Variants in TRDMT1 observed in about 807,000 individuals in gnomAD.
TRDMT1 encodes the protein tRNA aspartic acid methyltransferase 1.
TRDMT1 carries 49 observed loss-of-function variants against 51.2 expected under a neutral mutation model. The observed-to-expected ratio is 0.96, with a 90% CI of 0.76 to 1.21. The LOEUF is 1.21. TRDMT1 is among the 50% of genes most tolerant of loss of function. The probability of loss-of-function intolerance (pLI) is 0.00; values close to 1 mark genes in which losing one functional copy is unlikely to be tolerated. For synonymous variants in TRDMT1, 187 were observed against 164.6 expected, an observed-to-expected ratio of 1.14 and a Z score of -1.04; for missense variants, 534 against 462.3, an observed-to-expected ratio of 1.16 and a Z score of -1.42.
chr10:17,157,138 T>C (rs2295811), intron 8 of TRDMT1, among the ~76,000 whole-genome samples: 112,123 of 152,100 alleles, frequency 0.74, 42,677 homozygotes, highest in Middle Eastern at 0.85. Context: ...GCTAAAGAAT[T>C]AGCAAGTAAT....
intron 1 of TRDMT1, among the ~76,000 whole-genome samples, chr10:17,197,056 C>T (rs893145289): frequency 1.3e-5 from 2 of 152,160 alleles, no homozygotes; most frequent in Admixed American, 1.3e-4. Context: ...GTGGGCAGTG[C>T]TCCTGTTCAC....
chr10:17,178,204 A>T (rs1271508881), intron 1 of TRDMT1, among the ~76,000 whole-genome samples: 3 of 152,200 alleles, frequency 2.0e-5, no homozygotes, highest in African/African-American at 7.2e-5. Context: ...TAACACTGAC[A>T]TCTAGTTGTA....
At position 17,148,457 on chromosome 10, in the gene TRDMT1, G is replaced by A. The variant is rs1838303730; in HGVS notation, c.*583C>T. 8 of 985,272 alleles carry A rather than the reference G, an allele frequency of 8.1e-6. No homozygotes were observed. In the South Asian group the frequency reaches 1.4e-4, roughly 17 times the overall value. The allele number at this position is 985,272 out of a possible 1,614,324, so 61.0% of individuals were successfully genotyped here. On this transcript the variant is annotated 3_prime_UTR_variant, in exon 11 of 11. Transcript: ENST00000377799. ...ATGTGCACCAACAGTTTCTGTGGCCGCTTCATGGAGAGGTAATCAAACATT... is the reference window on the plus strand; with the variant it reads ...ATGTGCACCAACAGTTTCTGTGGCCACTTCATGGAGAGGTAATCAAACATT...
intron 1 of TRDMT1, among the ~76,000 whole-genome samples, chr10:17,179,259 C>G (rs1842982530): frequency 6.6e-6 from 1 of 152,128 alleles, no homozygotes; most frequent in African/African-American, 2.4e-5. Context: ...AACCCACAAC[C>G]TCGCACCAGC....
intron 5 of TRDMT1, among the ~76,000 whole-genome samples, 163 bp downstream of exon 5, chr10:17,161,320 C>T (rs920704832): frequency 6.6e-6 from 1 of 152,138 alleles, no homozygotes; most frequent in Non-Finnish European, 1.5e-5. Flanking sequence ...TATTGTAATA[C>T]TTACTAATAC....
rs1457520897 is a variant in TRDMT1 at position 17,174,607 on chromosome 10, T to C, written c.118A>G (p.Asn40Asp). 1 of 1,614,122 alleles carries C rather than the reference T, an allele frequency of 6.2e-7. No homozygotes were observed. Among genetic ancestry groups the C allele is most frequent in the East Asian group, 2.2e-5 (1 of 44,870 alleles). The change falls in exon 2 of 11, where the codon AAT (asparagine) becomes GAT (aspartate). Residue 40 changes from asparagine (N) to aspartate (D), a missense_variant. Transcript: ENST00000377799. The part of the protein sequence containing the change: ...VAAIDVNTVA[N>D]EVYKYNFPHT... Reference sequence around the variant, plus strand: ...GGAAAATTATACTTGTATACTTCATTAGCGACAGTGTTGACATCAATGGCA... The same window carrying C: ...GGAAAATTATACTTGTATACTTCATCAGCGACAGTGTTGACATCAATGGCA...
At chr10:17,196,300 C>A (rs989680684) in intron 1 of TRDMT1, among the ~76,000 whole-genome samples, 1 of 152,228 alleles carries the variant, frequency 6.6e-6, no homozygotes, top group African/African-American at 2.4e-5. Flanking sequence ...GGCAGACAGG[C>A]CTTTTTGCTT....
chr10:17,165,038 C>G (rs539488757), intron 3 of TRDMT1, among the ~76,000 whole-genome samples: 13 of 152,162 alleles, frequency 8.5e-5, no homozygotes, highest in African/African-American at 3.1e-4. Flanking sequence ...TCATATGGAA[C>G]CAAAAAAGAG....
chr10:17,145,648 AC>A lies in TRDMT1; in HGVS notation c.*3391del, dbSNP rs1390236973. 1 of 985,230 alleles carries A rather than the reference AC, an allele frequency of 1.0e-6. No homozygotes were observed. The highest frequency in any genetic ancestry group is 1.2e-6 in the Non-Finnish European group (1 of 829,916). 61.0% of individuals were successfully genotyped at this position (985,230 alleles called of 1,614,324 possible). A position where few individuals can be genotyped will look rare whatever the true frequency, so the allele number is the denominator to read the frequency against. On this transcript the variant is annotated 3_prime_UTR_variant, in exon 11 of 11. Coordinates refer to ENST00000377799, the MANE Select transcript of TRDMT1 (RefSeq NM_004412.7). ...TTCATAACATAAGCAATTCAGGAAA[AC>A]CCACTTTAATCTCTTTGTCTATGTG...
intron 2 of TRDMT1, chr10:17,172,027 G>A (rs1223343715): frequency 1.8e-5 from 3 of 166,920 alleles, no homozygotes; most frequent in Non-Finnish European, 4.4e-5. Flanking sequence ...GTATGTAACT[G>A]GAGAAAGTGA....
chr10:17,149,943 A>G (rs940445113), intron 10 of TRDMT1, among the ~76,000 whole-genome samples: 1 of 152,144 alleles, frequency 6.6e-6, no homozygotes, highest in Middle Eastern at 3.2e-3. Flanking sequence ...TGTTATGAAC[A>G]TTCATGTATG....
rs1157428892 is a variant in TRDMT1, at chr10:17,201,558, G to A, written c.64+13C>T. ...TGAGCGAATAGAGAGAGGGGTGCTA[G>A]ATGGACTCTCACCTCTCAGCGCGTG... On this transcript the variant is annotated intron_variant, in intron 1 of 10. Transcript: ENST00000377799. 11 of 1,549,220 alleles carry A rather than the reference G, an allele frequency of 7.1e-6. No homozygotes were observed. Among genetic ancestry groups the A allele is most frequent in the Non-Finnish European group, 9.6e-6 (11 of 1,145,944 alleles).
Position 17,144,724 on chromosome 10 carries a change from T to A in TRDMT1, c.*4316A>T. 3.0e-6 allele frequency: 3 copies of A among 985,396 alleles called. No homozygotes were observed. The highest frequency in any genetic ancestry group is 9.4e-5 in the South Asian group (2 of 21,290). The allele number at this position is 985,396 out of a possible 1,614,324, so 61.0% of individuals were successfully genotyped here. A position where few individuals can be genotyped will look rare whatever the true frequency, so the allele number is the denominator to read the frequency against. On this transcript the variant is annotated 3_prime_UTR_variant, in exon 11 of 11. Coordinates refer to ENST00000377799, the MANE Select transcript of TRDMT1 (RefSeq NM_004412.7). Reference sequence around the variant, plus strand: ...GAGTTTGGATCTTGATTGTGTAAGATTTTGAAGAGCATGAGTACCTTAAAA... The same window carrying A: ...GAGTTTGGATCTTGATTGTGTAAGAATTTGAAGAGCATGAGTACCTTAAAA...
At chr10:17,184,023 T>A (rs1843599983) in intron 1 of TRDMT1, among the ~76,000 whole-genome samples, 1 of 152,202 alleles carries the variant, frequency 6.6e-6, no homozygotes, top group African/African-American at 2.4e-5. Context: ...AACTACCTTA[T>A]GAAAGTCTTC....
intron 1 of TRDMT1, among the ~76,000 whole-genome samples, chr10:17,198,577 T>C (rs182953662): frequency 5.3e-5 from 8 of 152,306 alleles, no homozygotes; most frequent in African/African-American, 7.2e-5. Flanking sequence ...ATTCTACTTA[T>C]GTGTGGTACG....
intron 10 of TRDMT1, chr10:17,150,715 A>T (rs1838581950): frequency 1.0e-6 from 1 of 985,014 alleles, no homozygotes; most frequent in African/African-American, 1.7e-5. Flanking sequence ...GTTACAATAA[A>T]GTTGCTTCAT....
In TRDMT1 at chr10:17,145,519, A is replaced by C; in HGVS notation, c.*3521T>G. The C allele has an allele frequency of 1.0e-6, 1 of 985,474 alleles. No individual in the cohort carries two copies. The highest frequency in any genetic ancestry group is 1.2e-6 in the Non-Finnish European group (1 of 829,948). The allele number at this position is 985,474 out of a possible 1,614,324, so 61.0% of individuals were successfully genotyped here. ...AAACTGCTGAGGCTATATGACCCTC[A>C]CACAGTTTCAAAGTCCAAAGCTATT... On this transcript the variant is annotated 3_prime_UTR_variant, in exon 11 of 11. Transcript: ENST00000377799.
At chr10:17,165,114 A>C (rs1053229989) in intron 3 of TRDMT1, among the ~76,000 whole-genome samples, 15 of 152,314 alleles carry the variant, frequency 9.8e-5, no homozygotes, top group African/African-American at 3.1e-4. Flanking sequence ...ACCTGACTTG[A>C]AACTATACTA....
chr10:17,144,867 G>A lies in TRDMT1; in HGVS notation c.*4173C>T. The A allele has an allele frequency of 1.0e-6, 1 of 985,128 alleles. No individual in the cohort carries two copies. The highest frequency in any genetic ancestry group is 1.2e-6 in the Non-Finnish European group (1 of 829,868). 61.0% of individuals were successfully genotyped at this position (985,128 alleles called of 1,614,324 possible). ...ATTTCACCAGCAAAGACAAGAAATAGTGAAAGGGAAAATGATGCACACAGG... is the reference window on the plus strand; with the variant it reads ...ATTTCACCAGCAAAGACAAGAAATAATGAAAGGGAAAATGATGCACACAGG... On this transcript the variant is annotated 3_prime_UTR_variant, in exon 11 of 11. Transcript: ENST00000377799.
Sources: gnomAD v4.1 joint callset for allele counts (sites outside exome capture counted in the v4.1 genomes callset) on GRCh38, gnomAD v4.1.1 for gene constraint, MANE v1.5 for transcripts, NCBI Gene and HGNC (gene_info 2026-07-23, HGNC 2026-07-21) for gene names.